KLHL20: variants seen among roughly 807,000 people sequenced by gnomAD.
KLHL20 encodes kelch like family member 20.
KLHL20 carries 29 observed loss-of-function variants against 69.5 expected under a neutral mutation model. The ratio of observed to expected loss-of-function variants is 0.42; its 90% CI spans 0.31 to 0.57. KLHL20 has a LOEUF of 0.57. KLHL20 is among the 20% of genes least tolerant of loss of function. The pLI is 0.18. For missense variants in KLHL20, 419 were observed against 776.0 expected (o/e 0.54, Z 5.47); for synonymous variants, 253 against 265.2 (o/e 0.95, Z 0.45).
intron 8 of KLHL20, among the ~76,000 whole-genome samples, chr1:173,769,506 G>A (rs1175698341): frequency 1.3e-5 from 2 of 152,088 alleles, no homozygotes; most frequent in East Asian, 1.9e-4. Context: ...ATAAATCTCT[G>A]GACTAGGCGC....
intron 3 of KLHL20, among the ~76,000 whole-genome samples, chr1:173,750,320 T>C (rs1460923511): frequency 6.6e-6 from 1 of 152,148 alleles, no homozygotes; most frequent in East Asian, 1.9e-4. Flanking sequence ...ATTTATTTTC[T>C]TGGTGATATG....
intron 7 of KLHL20, among the ~76,000 whole-genome samples, chr1:173,764,876 A>G (rs1016490186): frequency 7.1e-5 from 10 of 141,840 alleles, no homozygotes; most frequent in African/African-American, 2.2e-4. Context: ...AACTTATGGA[A>G]AAATAAAGAA....
chr1:173,763,695 C>T (rs568196338), intron 7 of KLHL20, among the ~76,000 whole-genome samples: 14 of 151,962 alleles, frequency 9.2e-5, no homozygotes, highest in East Asian at 7.7e-4. Context: ...TGTAAGAAAA[C>T]GAAACTGGAT....
intron 2 of KLHL20, among the ~76,000 whole-genome samples, chr1:173,723,308 A>G (rs12073601): frequency 0.15 from 23,030 of 152,238 alleles, 5,729 homozygotes; most frequent in African/African-American, 0.52. Context: ...GATTGTTTAT[A>G]TGGATGGTAA....
intron 1 of KLHL20, 147 bp from the exon 2 acceptor site, chr1:173,715,856 G>A (rs1671444867): frequency 1.8e-6 from 1 of 568,026 alleles, no homozygotes; most frequent in Middle Eastern, 2.7e-4. Context: ...ACTAGATTAA[G>A]TTATTGTGCA....
Position 173,777,291 on chromosome 1 carries a change from C to G in KLHL20, c.1638+1449C>G, listed in dbSNP as rs143018263. Among the ~76,000 whole-genome samples, 7 of 152,240 alleles carry G rather than the reference C, an allele frequency of 4.6e-5. No individual in the cohort carries two copies. In the East Asian group the frequency reaches 1.4e-3, roughly 29 times the overall value. The stretch of plus-strand genomic sequence containing the variant: ...CTGCAGCTCTGCTGAATTTGTTTAT[C>G]TGTTCTAATAGCTTTTTGGTGGAGT... On this transcript the variant is annotated intron_variant, in intron 10 of 11. Transcript: ENST00000209884.
chr1:173,726,086 G>A (rs13375555), intron 2 of KLHL20, among the ~76,000 whole-genome samples: 13,704 of 152,050 alleles, frequency 0.09, 1,990 homozygotes, highest in African/African-American at 0.31. Context: ...CAAACGGCAC[G>A]CCAGGAGATT....
At chr1:173,761,119 A>G (rs1647271222) in intron 7 of KLHL20, among the ~76,000 whole-genome samples, 1 of 152,206 alleles carries the variant, frequency 6.6e-6, no homozygotes, top group Admixed American at 6.5e-5. Context: ...TTAAAGCAAC[A>G]GTGGTTAAAA....
intron 1 of KLHL20, 66 bp from the exon 2 acceptor site, chr1:173,715,933 TTATA>T (rs1176231519): frequency 9.1e-7 from 1 of 1,096,208 alleles, no homozygotes; most frequent in Non-Finnish European, 1.4e-6. Flanking sequence ...AGTGAAATGA[TTATA>T]TAAAGATTGT....
chr1:173,739,791 C>CGTG (rs1672712102), intron 3 of KLHL20, among the ~76,000 whole-genome samples: 1 of 151,924 alleles, frequency 6.6e-6, no homozygotes, highest in African/African-American at 2.4e-5. Flanking sequence ...AGGCACCTGC[C>CGTG]ACCACGCCCA....
At chr1:173,774,813 T>C (rs919952307) in intron 9 of KLHL20, among the ~76,000 whole-genome samples, 6 of 152,116 alleles carry the variant, frequency 3.9e-5, no homozygotes, top group African/African-American at 1.4e-4. Flanking sequence ...TGGGTTTTGT[T>C]TTTGTTTGTG....
chr1:173,761,367 A>G (rs1045237599), intron 7 of KLHL20, among the ~76,000 whole-genome samples: 5 of 152,322 alleles, frequency 3.3e-5, no homozygotes. Context: ...GATTTAAACT[A>G]TACCTTGGAA....
At chr1:173,728,770 A>C (rs1488382671) in intron 2 of KLHL20, among the ~76,000 whole-genome samples, 2 of 152,196 alleles carry the variant, frequency 1.3e-5, no homozygotes, top group Admixed American at 6.5e-5. Flanking sequence ...TATAGCACTA[A>C]ATGCCCAGAA....
chr1:173,717,992 C>T (rs1671541161), intron 2 of KLHL20, among the ~76,000 whole-genome samples: 1 of 152,160 alleles, frequency 6.6e-6, no homozygotes, highest in African/African-American at 2.4e-5. Flanking sequence ...TTGCTGACCC[C>T]AGTTCCCAAA....
intron 7 of KLHL20, among the ~76,000 whole-genome samples, chr1:173,760,957 G>T (rs1366489549): frequency 1.3e-5 from 2 of 152,164 alleles, no homozygotes; most frequent in Admixed American, 6.5e-5. Context: ...CCGCAGAATG[G>T]ATAAGAACTC....
intron 10 of KLHL20, 79 bp downstream of exon 10, chr1:173,775,921 T>G: frequency 8.5e-7 from 1 of 1,175,994 alleles, no homozygotes; most frequent in Non-Finnish European, 1.3e-6. Context: ...AGTGCAGATA[T>G]CTCTTCATTA....
At chr1:173,768,615 CAGAT>C (rs1313703416) in intron 8 of KLHL20, among the ~76,000 whole-genome samples, 1 of 152,092 alleles carries the variant, frequency 6.6e-6, no homozygotes, top group Non-Finnish European at 1.5e-5. Context: ...CACATAAAAA[CAGAT>C]AGAGTAATAG....
intron 10 of KLHL20, among the ~76,000 whole-genome samples, chr1:173,780,361 TAGG>T (rs1286659899): frequency 1.3e-5 from 2 of 152,128 alleles, no homozygotes; most frequent in East Asian, 3.8e-4. Flanking sequence ...TAGAAGAACA[TAGG>T]AGAATGCGCT....
Position 173,775,856 on chromosome 1 carries a change from G to A in KLHL20, c.1638+14G>A. 1 of 1,610,214 alleles carries A rather than the reference G, an allele frequency of 6.2e-7. No homozygotes were observed. Among genetic ancestry groups the A allele is most frequent in the South Asian group, 1.1e-5 (1 of 90,950 alleles). ...CGCCGTAGTGGAGTAAGTGGTTATG[G>A]ACACTTAGGTTGCTTCCAAATCTTG... On this transcript the variant is annotated intron_variant, in intron 10 of 11. Coordinates refer to ENST00000209884, the MANE Select transcript of KLHL20 (RefSeq NM_014458.4).
Sources: gnomAD v4.1 joint callset for allele counts (sites outside exome capture counted in the v4.1 genomes callset) on GRCh38, gnomAD v4.1.1 for gene constraint, MANE v1.5 for transcripts, NCBI Gene and HGNC (gene_info 2026-07-23, HGNC 2026-07-21) for gene names.